The following KCND2 variants were observed in gnomAD, a reference collection of about 807,000 sequenced individuals.
The protein encoded by KCND2 is potassium voltage-gated channel subfamily D member 2, also known as A-type voltage-gated potassium channel KCND2.
KCND2 carries 16 observed loss-of-function variants against 54.4 expected under a neutral mutation model. The observed-to-expected ratio is 0.29, with a 90% CI of 0.20 to 0.45. The LOEUF is 0.45. Ranked by LOEUF, KCND2 falls within the 20% of genes least tolerant of loss-of-function variation. KCND2 has a pLI of 1.00. For synonymous variants in KCND2, 317 were observed against 310.7 expected, an observed-to-expected ratio of 1.02 and a Z score of -0.21; for missense variants, 486 against 824.2, an observed-to-expected ratio of 0.59 and a Z score of 5.02.
chr7:120,622,697 T>C (rs1484888750), intron 1 of KCND2, among the ~76,000 whole-genome samples: 2 of 125,426 alleles, frequency 1.6e-5, no homozygotes, highest in Non-Finnish European at 3.1e-5. Flanking sequence ...ACACTCTCTC[T>C]CTCTCTCTCT....
chr7:120,463,493 A>G (rs73435847), intron 1 of KCND2, among the ~76,000 whole-genome samples: 3,496 of 152,104 alleles, frequency 0.023, 150 homozygotes, highest in African/African-American at 0.079. Context: ...CATTTGGGTC[A>G]CTGATTCTTT....
chr7:120,736,482 C>G (rs1425445347), intron 2 of KCND2, among the ~76,000 whole-genome samples: 1 of 151,832 alleles, frequency 6.6e-6, no homozygotes, highest in Admixed American at 6.6e-5. Flanking sequence ...AATGTATTAG[C>G]CAAAATAAAG....
chr7:120,690,310 A>G (rs1027430555), intron 1 of KCND2, among the ~76,000 whole-genome samples: 30 of 152,352 alleles, frequency 2.0e-4, no homozygotes, highest in African/African-American at 7.2e-4. Context: ...ACATACATAC[A>G]TACACAAAAA....
intron 1 of KCND2, among the ~76,000 whole-genome samples, chr7:120,494,153 T>G (rs933670701): frequency 6.6e-6 from 1 of 152,146 alleles, no homozygotes; most frequent in Admixed American, 6.6e-5. Flanking sequence ...AAAGCAAAGC[T>G]TAGCATAGCT....
intron 1 of KCND2, among the ~76,000 whole-genome samples, chr7:120,356,891 G>T (rs552240013): frequency 2.0e-5 from 3 of 152,158 alleles, no homozygotes; most frequent in African/African-American, 2.4e-5. Context: ...TTCCAGGCTG[G>T]TTAGCGTTAC....
intron 1 of KCND2, among the ~76,000 whole-genome samples, chr7:120,441,479 A>C (rs1801944284): frequency 6.6e-6 from 1 of 152,102 alleles, no homozygotes; most frequent in African/African-American, 2.4e-5. Context: ...GATTATTTTT[A>C]ATGCTGAGAA....
chr7:120,456,687 T>A (rs1346600324), intron 1 of KCND2, among the ~76,000 whole-genome samples: 1 of 152,220 alleles, frequency 6.6e-6, no homozygotes, highest in Non-Finnish European at 1.5e-5. Context: ...CTGTGTTGCT[T>A]TTACAGCTGG....
At chr7:120,463,238 T>G (rs888694844) in intron 1 of KCND2, among the ~76,000 whole-genome samples, 2 of 152,038 alleles carry the variant, frequency 1.3e-5, no homozygotes, top group African/African-American at 4.8e-5. Flanking sequence ...TATGTCCTTT[T>G]TTTTTCAATT....
At chr7:120,607,996 C>A (rs1368262037) in intron 1 of KCND2, among the ~76,000 whole-genome samples, 1 of 129,596 alleles carries the variant, frequency 7.7e-6, no homozygotes, top group Non-Finnish European at 1.6e-5. Context: ...ACTTTCAATG[C>A]CAGCCTAAGG....
At chr7:120,592,157 G>A (rs1453121587) in intron 1 of KCND2, among the ~76,000 whole-genome samples, 2 of 152,202 alleles carry the variant, frequency 1.3e-5, no homozygotes, top group Non-Finnish European at 2.9e-5. Flanking sequence ...GTCACCAAGT[G>A]CAGGATCCAG....
intron 1 of KCND2, among the ~76,000 whole-genome samples, chr7:120,673,922 T>TTTTTTTTTTTTTTTTTTTTTTTTTC (rs1562905362): frequency 6.6e-6 from 1 of 151,240 alleles, no homozygotes; most frequent in African/African-American, 2.4e-5. Context: ...TTTTTTTTTT[T>TTTTTTTTTTTTTTTTTTTTTTTTTC]CTACAGGAGC....
intron 1 of KCND2, among the ~76,000 whole-genome samples, chr7:120,601,791 G>T (rs1011553619): frequency 1.2e-4 from 19 of 152,102 alleles, no homozygotes; most frequent in African/African-American, 4.6e-4. Flanking sequence ...AGTTGAAATT[G>T]TCAACTAAAA....
chr7:120,739,565 T>C (rs1248055347), intron 2 of KCND2, among the ~76,000 whole-genome samples: 2 of 152,010 alleles, frequency 1.3e-5, no homozygotes, highest in Non-Finnish European at 2.9e-5. Context: ...TTGTCTAATT[T>C]TCTCATCATT....
intron 1 of KCND2, among the ~76,000 whole-genome samples, chr7:120,354,277 T>G (rs1255750806): frequency 6.6e-6 from 1 of 152,206 alleles, no homozygotes; most frequent in Non-Finnish European, 1.5e-5. Flanking sequence ...TCAAGGACTT[T>G]TTTGATAATA....
chr7:120,282,177 C>G (rs1185849144), intron 1 of KCND2, among the ~76,000 whole-genome samples: 1 of 152,086 alleles, frequency 6.6e-6, no homozygotes, highest in African/African-American at 2.4e-5. Context: ...AGCCCAGTTC[C>G]TTATGTAAAT....
intron 1 of KCND2, among the ~76,000 whole-genome samples, chr7:120,611,950 C>T (rs899928094): frequency 3.9e-5 from 6 of 152,134 alleles, no homozygotes; most frequent in Non-Finnish European, 5.9e-5. Context: ...CTGAATTTTC[C>T]GTTACCAGAA....
In KCND2 at chr7:120,662,626, GT is replaced by G. The variant is rs202041547; in HGVS notation, c.1116-70270del. On this transcript the variant is annotated intron_variant, in intron 1 of 5. Transcript: ENST00000331113. ...ATATCAAATAGAATATTTATTCTTTGTTTTTTTGGTTCCTAAATAAAGATGA... is the reference window on the plus strand; with the variant it reads ...ATATCAAATAGAATATTTATTCTTTGTTTTTTGGTTCCTAAATAAAGATGA... Among the ~76,000 whole-genome samples the G allele has an allele frequency of 4.7e-3, 710 of 152,186 alleles. 5 individuals are homozygous for G. Among genetic ancestry groups the G allele is most frequent in the African/African-American group, 0.016 (682 of 41,494 alleles).
At chr7:120,365,095 G>T (rs574681381) in intron 1 of KCND2, among the ~76,000 whole-genome samples, 1 of 151,706 alleles carries the variant, frequency 6.6e-6, no homozygotes, top group South Asian at 2.1e-4. Flanking sequence ...CCAAGGTAAA[G>T]TTCATAGTTG....
At chr7:120,466,711 G>C (rs1276230299) in intron 1 of KCND2, among the ~76,000 whole-genome samples, 1 of 152,084 alleles carries the variant, frequency 6.6e-6, no homozygotes, top group African/African-American at 2.4e-5. Flanking sequence ...CTATAACAAA[G>C]TTTCCCAAAC....
Sources: gnomAD v4.1 joint callset for allele counts (sites outside exome capture counted in the v4.1 genomes callset) on GRCh38, gnomAD v4.1.1 for gene constraint, MANE v1.5 for transcripts, NCBI Gene and HGNC (gene_info 2026-07-23, HGNC 2026-07-21) for gene names.